ARCN1: variants seen among roughly 807,000 people sequenced by gnomAD.
The protein encoded by ARCN1 is archain 1 coat protein complex I subunit delta, also known as coatomer subunit delta.
In ARCN1, 5 loss-of-function variants were observed where a neutral mutation model predicts 60.4. The ratio of observed to expected loss-of-function variants is 0.08; its 90% confidence interval spans 0.04 to 0.17. ARCN1 has a LOEUF of 0.17. Among genes scored for constraint, ARCN1 ranks in the 10% least tolerant of loss-of-function variants. The probability of loss-of-function intolerance (pLI) is 1.00; values close to 1 mark genes in which losing one functional copy is unlikely to be tolerated. For synonymous variants in ARCN1, 224 were observed against 220.0 expected (o/e 1.02, Z -0.16); for missense variants, 464 against 626.5 (o/e 0.74, Z 2.77).
Position 118,599,113 on chromosome 11 carries a change from A to G in ARCN1, c.1446+1202A>G, listed in dbSNP as rs537267826. Among the ~76,000 whole-genome samples, 7 of 132,540 alleles carry G rather than the reference A, an allele frequency of 5.3e-5. No individual in the cohort carries two copies. In the South Asian group the frequency reaches 1.7e-3, roughly 32 times the overall value. 87.0% of individuals were successfully genotyped at this position (132,540 alleles called of 152,430 possible). A position where few individuals can be genotyped will look rare whatever the true frequency, so the allele number is the denominator to read the frequency against. On this transcript the variant is annotated intron_variant, in intron 9 of 9. Transcript: ENST00000264028. ...CTGGCGGATTTTTTTTTTTTTTAAG[A>G]CGGAGTTTCACTCTTGTTGCCCAGG...
At position 118,582,441 on chromosome 11, in the gene ARCN1, G is replaced by A. The variant is rs149340195; in HGVS notation, c.268-738G>A. On this transcript the variant is annotated intron_variant, in intron 2 of 9. Coordinates refer to ENST00000264028, the MANE Select transcript of ARCN1 (RefSeq NM_001655.5). Reference sequence around the variant, plus strand: ...CGCTGCACCCGGCTGTAAGAATCAGGGTCTTGGGCGTGGTGGCTCACGCTT... The same window carrying A: ...CGCTGCACCCGGCTGTAAGAATCAGAGTCTTGGGCGTGGTGGCTCACGCTT... 1.5e-3 allele frequency among the ~76,000 whole-genome samples: 232 copies of A among 152,100 alleles called. 2 individuals carry two copies. Among genetic ancestry groups the A allele is most frequent in the African/African-American group, 5.4e-3 (223 of 41,546 alleles).
At chr11:118,593,790 C>A (rs1380806933) in intron 8 of ARCN1, 92 bp downstream of exon 8, 1 of 690,532 alleles carries the variant, frequency 1.4e-6, no homozygotes, top group South Asian at 2.0e-5. Context: ...ACCTGACTGT[C>A]CATTCAAAGA....
At chr11:118,592,080 C>T (rs147784412) in intron 6 of ARCN1, among the ~76,000 whole-genome samples, 20 of 152,184 alleles carry the variant, frequency 1.3e-4, no homozygotes, top group Non-Finnish European at 2.6e-4. Context: ...GCCACCATGT[C>T]CAGCCCCAGC....
intron 2 of ARCN1, among the ~76,000 whole-genome samples, chr11:118,582,350 G>A (rs1447711647): frequency 6.6e-6 from 1 of 151,982 alleles, no homozygotes; most frequent in African/African-American, 2.4e-5. Flanking sequence ...GGCTGGTCTC[G>A]AACTCCTGAC....
intron 2 of ARCN1, among the ~76,000 whole-genome samples, chr11:118,582,725 T>TA (rs1206435516): frequency 0.057 from 5,728 of 100,838 alleles, 179 homozygotes; most frequent in African/African-American, 0.086. Context: ...GACTTTGTCT[T>TA]AAAAAAAAAA....
At chr11:118,596,910 C>T (rs1161115252) in intron 8 of ARCN1, among the ~76,000 whole-genome samples, 2 of 152,166 alleles carry the variant, frequency 1.3e-5, no homozygotes, top group African/African-American at 4.8e-5. Flanking sequence ...ATTCTGAAAT[C>T]TTTAAAAACA....
At position 118,576,318 on chromosome 11, in the gene ARCN1, G is replaced by A. The variant is rs76232181; in HGVS notation, c.3+3768G>A. On this transcript the variant is annotated intron_variant, in intron 1 of 9. Transcript: ENST00000264028. ...GAGGGAATTTTTTTTTTTTTTAACC[G>A]TCCTGGAGAGATCATCTAACTTATG... Among the ~76,000 whole-genome samples, 86 of 142,376 alleles carry A rather than the reference G, an allele frequency of 6.0e-4. 1 individual carries two copies. The East Asian group carries it at 0.016, about 27-fold the overall frequency. 93.4% of individuals were successfully genotyped at this position (142,376 alleles called of 152,430 possible). A position where few individuals can be genotyped will look rare whatever the true frequency, so the allele number is the denominator to read the frequency against.
intron 1 of ARCN1, chr11:118,573,730 G>A (rs116241910): frequency 8.7e-6 from 6 of 690,524 alleles, no homozygotes; most frequent in African/African-American, 1.8e-5. Context: ...CTTGGATAAT[G>A]GGGGGAATTC....
Position 118,573,607 on chromosome 11 carries a change from C to A in ARCN1, c.3+1057C>A, listed in dbSNP as rs1382818935. The stretch of plus-strand genomic sequence containing the variant: ...ATGTTCTGTTCTGTTCTTTTTTATT[C>A]TTTTGTCAATAGATAACTTGATTTA... On this transcript the variant is annotated intron_variant, in intron 1 of 9. Transcript: ENST00000264028. 14 of 689,736 alleles carry A rather than the reference C, an allele frequency of 2.0e-5. No individual in the cohort carries two copies. In the East Asian group the frequency reaches 3.3e-4, roughly 16 times the overall value. The allele number at this position is 689,736 out of a possible 1,614,324, so 42.7% of individuals were successfully genotyped here.
chr11:118,576,359 C>T (rs1484177769), intron 1 of ARCN1, among the ~76,000 whole-genome samples: 9 of 132,922 alleles, frequency 6.8e-5, no homozygotes, highest in African/African-American at 2.3e-4. Context: ...TCAGTTTTCA[C>T]ATCTGTAAGA....
At chr11:118,576,352 G>C (rs562452124) in intron 1 of ARCN1, among the ~76,000 whole-genome samples, 1 of 131,290 alleles carries the variant, frequency 7.6e-6, no homozygotes, top group African/African-American at 2.9e-5. Flanking sequence ...TGGGCCCTCA[G>C]TTTTCACATC....
intron 8 of ARCN1, among the ~76,000 whole-genome samples, chr11:118,594,649 A>C (rs959548997): frequency 1.3e-5 from 2 of 152,168 alleles, no homozygotes; most frequent in African/African-American, 2.4e-5. Flanking sequence ...ACCTAGGTTC[A>C]AGTGATTCTC....
In ARCN1 at chr11:118,572,431, C is replaced by A; in HGVS notation, c.-117C>A. 9.8e-7 allele frequency: 1 copy of A among 1,020,780 alleles called. No individual in the cohort carries two copies. Among genetic ancestry groups the A allele is most frequent in the Non-Finnish European group, 1.3e-6 (1 of 742,108 alleles). 63.2% of individuals were successfully genotyped at this position (1,020,780 alleles called of 1,614,324 possible). ...GCCATCTTGGCAAGAGGCGAAGCGG[C>A]AGCGGTTCCTGTCAAGGGGGCAGCA... On this transcript the variant is annotated 5_prime_UTR_variant, in exon 1 of 10. Transcript: ENST00000264028.
At chr11:118,575,726 A>G (rs1555073415) in intron 1 of ARCN1, among the ~76,000 whole-genome samples, 1 of 152,186 alleles carries the variant, frequency 6.6e-6, no homozygotes, top group Non-Finnish European at 1.5e-5. Context: ...TTCTGGAAGT[A>G]AGGGATCCTG....
chr11:118,585,117 C>A (rs562306688), intron 5 of ARCN1, among the ~76,000 whole-genome samples: 1 of 152,028 alleles, frequency 6.6e-6, no homozygotes, highest in African/African-American at 2.4e-5. Context: ...TGAGCCACCA[C>A]GCCCGGCTGT....
chr11:118,572,441 T>C lies in ARCN1; in HGVS notation c.-107T>C, dbSNP rs1489255717. On this transcript the variant is annotated 5_prime_UTR_variant, in exon 1 of 10. Coordinates refer to ENST00000264028, the MANE Select transcript of ARCN1 (RefSeq NM_001655.5). ...CAAGAGGCGAAGCGGCAGCGGTTCC[T>C]GTCAAGGGGGCAGCAGGTCCAGAGC... 19 of 1,098,800 alleles carry C rather than the reference T, an allele frequency of 1.7e-5. No individual in the cohort carries two copies. The East Asian group carries it at 3.6e-4, about 21-fold the overall frequency. 68.1% of individuals were successfully genotyped at this position (1,098,800 alleles called of 1,614,324 possible). A position where few individuals can be genotyped will look rare whatever the true frequency, so the allele number is the denominator to read the frequency against.
At chr11:118,584,206 AAG>A (rs1234366549) in intron 4 of ARCN1, among the ~76,000 whole-genome samples, 192 bp downstream of exon 4, 2 of 152,228 alleles carry the variant, frequency 1.3e-5, no homozygotes, top group Non-Finnish European at 2.9e-5. Context: ...TTTTGTATAA[AAG>A]AGAGTTATAA....
In ARCN1 at chr11:118,590,295, ATTGGTTTCT is replaced by A. The variant is rs782067557; in HGVS notation, c.819-45_819-37del. ...TAGGCATGAGCCACCACGCCCGGCC[ATTGGTTTCT>A]ACCTTTCTGAACAAATGTATTACTT... is the stretch of plus-strand genomic sequence containing the variant. On this transcript the variant is annotated intron_variant, in intron 5 of 9. Transcript: ENST00000264028. 5.4e-4 allele frequency: 848 copies of A among 1,558,060 alleles called. 6 individuals are homozygous for A. Among genetic ancestry groups the A allele is most frequent in the Non-Finnish European group, 1.1e-4 (130 of 1,139,114 alleles).
At position 118,576,618 on chromosome 11, in the gene ARCN1, C is replaced by CA. The variant is rs1185938082; in HGVS notation, c.3+4071dup. On this transcript the variant is annotated intron_variant, in intron 1 of 9. Coordinates refer to ENST00000264028, the MANE Select transcript of ARCN1 (RefSeq NM_001655.5). ...TATTATTTCAAGAACTTTAAGAAGA[C>CA]AAATGTTAATTTAGGATAGGATAAA... is the stretch of plus-strand genomic sequence containing the variant. Among the ~76,000 whole-genome samples the CA allele has an allele frequency of 4.6e-5, 7 of 152,120 alleles. No homozygotes were observed. In the East Asian group the frequency reaches 1.4e-3, roughly 29 times the overall value.
Sources: gnomAD v4.1 joint callset for allele counts (sites outside exome capture counted in the v4.1 genomes callset) on GRCh38, gnomAD v4.1.1 for gene constraint, MANE v1.5 for transcripts, NCBI Gene and HGNC (gene_info 2026-07-23, HGNC 2026-07-21) for gene names.